The following LINGO2 variants were observed in gnomAD, a reference collection of about 807,000 sequenced individuals.
LINGO2 encodes the protein leucine-rich repeat and immunoglobulin-like domain-containing nogo receptor-interacting protein 2.
Under a neutral mutation model 30.6 loss-of-function variants are expected in LINGO2, and 14 were observed. That is an observed-to-expected ratio of 0.46 (90% CI 0.30 to 0.72). LINGO2 has a LOEUF of 0.72. Ranked by LOEUF, LINGO2 falls within the 30% of genes least tolerant of loss-of-function variation. The pLI is 0.07. For missense variants in LINGO2, 729 were observed against 751.7 expected (o/e 0.97, Z 0.35); for synonymous variants, 317 against 288.5 (o/e 1.10, Z -1.00).
At position 28,491,300 on chromosome 9, in the gene LINGO2, G is replaced by A. The variant is rs529990503; in HGVS notation, c.-364-15275C>T. ...GAGGCCTCTTGGCATTCTTTGGCTT[G>A]TGGCCACATCACTCCAATCCCTGTG... is the stretch of plus-strand genomic sequence containing the variant. On this transcript the variant is annotated intron_variant, in intron 1 of 5. Transcript: ENST00000379992. 2.0e-5 allele frequency among the ~76,000 whole-genome samples: 3 copies of A among 152,256 alleles called. No homozygotes were observed. In the East Asian group the frequency reaches 5.8e-4, roughly 29 times the overall value.
chr9:28,008,607 C>T (rs570272993), intron 5 of LINGO2, among the ~76,000 whole-genome samples: 3 of 152,060 alleles, frequency 2.0e-5, no homozygotes, highest in Non-Finnish European at 4.4e-5. Context: ...TTTCAGAATA[C>T]AAGATCAATA....
chr9:29,072,493 T>C, the LINGO2 span, among the ~76,000 whole-genome samples: 1 of 151,730 alleles, frequency 6.6e-6, no homozygotes, highest in African/African-American at 2.4e-5. Context: ...ACATAAATTA[T>C]ATCTCAATAA....
intron 3 of LINGO2, among the ~76,000 whole-genome samples, chr9:28,315,366 C>T (rs1824802701): frequency 6.6e-6 from 1 of 150,960 alleles, no homozygotes; most frequent in Non-Finnish European, 1.5e-5. Flanking sequence ...TGTGCCACTG[C>T]ACTCCAGTCT....
At chr9:28,200,942 G>A (rs1233424353) in intron 4 of LINGO2, among the ~76,000 whole-genome samples, 6 of 150,452 alleles carry the variant, frequency 4.0e-5, no homozygotes, top group Admixed American at 1.3e-4. Flanking sequence ...ATAAATCACC[G>A]TACAAGACTC....
intron 3 of LINGO2, among the ~76,000 whole-genome samples, chr9:28,352,038 A>G (rs1317635691): frequency 6.6e-6 from 1 of 151,112 alleles, no homozygotes; most frequent in Non-Finnish European, 1.5e-5. Context: ...ACCCACAGCC[A>G]ATATCATACT....
the LINGO2 span, among the ~76,000 whole-genome samples, chr9:28,804,364 T>C: frequency 1.3e-5 from 2 of 152,088 alleles, no homozygotes; most frequent in Non-Finnish European, 2.9e-5. Context: ...AAGTGAAGTT[T>C]AGATGTTAAT....
At chr9:28,150,146 TG>T (rs879932965) in intron 4 of LINGO2, among the ~76,000 whole-genome samples, 1 of 146,884 alleles carries the variant, frequency 6.8e-6, no homozygotes, top group Non-Finnish European at 1.5e-5. Flanking sequence ...CACCTCTGCC[TG>T]GCCCCCTCAC....
chr9:29,104,328 CTTGTT>C, the LINGO2 span, among the ~76,000 whole-genome samples: 1 of 151,968 alleles, frequency 6.6e-6, no homozygotes, highest in Admixed American at 6.6e-5. Context: ...AGAAGATCTC[CTTGTT>C]TAAAAGTGTG....
chr9:28,392,649 A>C (rs1821886252), intron 2 of LINGO2, among the ~76,000 whole-genome samples: 1 of 152,128 alleles, frequency 6.6e-6, no homozygotes, highest in Non-Finnish European at 1.5e-5. Context: ...TCCGGAGGTC[A>C]GTGGGTGGGG....
At chr9:28,670,000 T>C (rs1012351329) in intron 1 of LINGO2, among the ~76,000 whole-genome samples, 200 bp downstream of exon 3, 6 of 151,958 alleles carry the variant, frequency 3.9e-5, no homozygotes, top group African/African-American at 1.2e-4. Flanking sequence ...CAGCAGTGGA[T>C]TGTCAACATG....
At chr9:28,441,823 C>T (rs1400936176) in intron 2 of LINGO2, among the ~76,000 whole-genome samples, 1 of 151,994 alleles carries the variant, frequency 6.6e-6, no homozygotes, top group African/African-American at 2.4e-5. Context: ...TTATTGCAAA[C>T]AAATAACTCT....
the LINGO2 span, among the ~76,000 whole-genome samples, chr9:28,864,612 G>A: frequency 6.7e-6 from 1 of 150,230 alleles, no homozygotes; most frequent in Non-Finnish European, 1.5e-5. Context: ...ACCATCAAAT[G>A]TCAACATTAA....
intron 2 of LINGO2, among the ~76,000 whole-genome samples, chr9:28,409,771 T>C (rs1417370390): frequency 6.6e-6 from 1 of 151,862 alleles, no homozygotes; most frequent in Admixed American, 6.6e-5. Flanking sequence ...ATCACAGTCA[T>C]TGCATATTAG....
intron 4 of LINGO2, among the ~76,000 whole-genome samples, chr9:28,276,267 A>C (rs1051379784): frequency 6.6e-6 from 1 of 152,184 alleles, no homozygotes; most frequent in African/African-American, 2.4e-5. Context: ...ACAGAGCAAC[A>C]GTCAGTCAAA....
At chr9:28,048,500 A>C (rs1411848324) in intron 4 of LINGO2, among the ~76,000 whole-genome samples, 1 of 150,834 alleles carries the variant, frequency 6.6e-6, no homozygotes, top group Non-Finnish European at 1.5e-5. Context: ...GGATTAAGAA[A>C]TATTGTATTC....
At chr9:29,050,200 A>G in the LINGO2 span, among the ~76,000 whole-genome samples, 1 of 152,060 alleles carries the variant, frequency 6.6e-6, no homozygotes, top group African/African-American at 2.4e-5. Flanking sequence ...TAACTTTTGT[A>G]TTTTAAGTAG....
At chr9:29,006,447 AAGTGTCTGGCATACAGAC>A in the LINGO2 span, among the ~76,000 whole-genome samples, 1 of 152,046 alleles carries the variant, frequency 6.6e-6, no homozygotes, top group African/African-American at 2.4e-5. Context: ...AAATGTTTCT[AAGTGTCTGGCATACAGAC>A]TTTTAAGAAC....
chr9:28,435,872 G>C (rs757110336), intron 2 of LINGO2, among the ~76,000 whole-genome samples: 35 of 152,140 alleles, frequency 2.3e-4, no homozygotes, highest in Non-Finnish European at 4.4e-4. Context: ...AAAATTGTTG[G>C]ATAAATCAAT....
chr9:29,076,234 A>T, the LINGO2 span, among the ~76,000 whole-genome samples: 1 of 152,090 alleles, frequency 6.6e-6, no homozygotes, highest in African/African-American at 2.4e-5. Context: ...AGTATATCTA[A>T]GTATATTTCA....
Sources: gnomAD v4.1 joint callset for allele counts (sites outside exome capture counted in the v4.1 genomes callset) on GRCh38, gnomAD v4.1.1 for gene constraint, MANE v1.5 for transcripts, NCBI Gene and HGNC (gene_info 2026-07-23, HGNC 2026-07-21) for gene names.